Variants in RNFT2 observed in about 807,000 individuals in gnomAD.
RNFT2 encodes the protein E3 ubiquitin-protein ligase RNFT2.
Under a neutral mutation model 53.0 loss-of-function variants are expected in RNFT2, and 36 were observed. That is an observed-to-expected ratio of 0.68 (90% CI 0.52 to 0.90). The LOEUF (loss-of-function observed/expected upper bound fraction) is 0.90. Among genes scored for constraint, RNFT2 ranks in the 40% least tolerant of loss-of-function variants. RNFT2 has a pLI of 0.00. For synonymous variants in RNFT2, 260 were observed against 253.2 expected, an observed-to-expected ratio of 1.03 and a Z score of -0.26; for missense variants, 514 against 585.6, an observed-to-expected ratio of 0.88 and a Z score of 1.26.
intron 7 of RNFT2, among the ~76,000 whole-genome samples, chr12:116,793,694 G>A (rs1874357046): frequency 6.6e-6 from 1 of 152,026 alleles, no homozygotes; most frequent in African/African-American, 2.4e-5. Flanking sequence ...GTTTTTTCCT[G>A]GATGTTTCCA....
At chr12:116,839,818 G>A (rs1877164007) in intron 10 of RNFT2, among the ~76,000 whole-genome samples, 1 of 152,102 alleles carries the variant, frequency 6.6e-6, no homozygotes, top group South Asian at 2.1e-4. Flanking sequence ...CTAGGCTAAA[G>A]CCACACCTTG....
intron 6 of RNFT2, among the ~76,000 whole-genome samples, chr12:116,769,767 C>T (rs1364660720): frequency 6.6e-6 from 1 of 152,108 alleles, no homozygotes; most frequent in East Asian, 1.9e-4. Context: ...CATGGTGGCT[C>T]ATGCCTGTAA....
intron 10 of RNFT2, among the ~76,000 whole-genome samples, chr12:116,845,397 C>G (rs1156442273): frequency 2.0e-5 from 3 of 151,756 alleles, no homozygotes; most frequent in Non-Finnish European, 2.9e-5. Flanking sequence ...AGAGAAGACG[C>G]GATCAGTACT....
At chr12:116,794,768 T>C (rs528870144) in intron 7 of RNFT2, among the ~76,000 whole-genome samples, 1 of 151,662 alleles carries the variant, frequency 6.6e-6, no homozygotes, top group South Asian at 2.1e-4. Context: ...TCTAATATAG[T>C]AGCTAAAAAA....
chr12:116,745,289 C>A (rs188443884), intron 3 of RNFT2, among the ~76,000 whole-genome samples: 3 of 151,580 alleles, frequency 2.0e-5, no homozygotes, highest in African/African-American at 7.3e-5. Context: ...ATTCTCCTGC[C>A]GCAGCCTCCT....
At chr12:116,791,746 A>G (rs559779805) in intron 7 of RNFT2, among the ~76,000 whole-genome samples, 1 of 152,354 alleles carries the variant, frequency 6.6e-6, no homozygotes, top group South Asian at 2.1e-4. Flanking sequence ...GAGCTTTCGC[A>G]GACAAGTATC....
chr12:116,817,264 C>T (rs1359906866), intron 7 of RNFT2, among the ~76,000 whole-genome samples: 4 of 152,198 alleles, frequency 2.6e-5, no homozygotes, highest in Non-Finnish European at 5.9e-5. Context: ...TTGCCCGCCT[C>T]AGCCTCCCAA....
In RNFT2 at chr12:116,779,337, G is replaced by C. The variant is rs752115358; in HGVS notation, c.871G>C (p.Val291Leu). The change falls in exon 7 of 11, where the codon GTC (valine) becomes CTC (leucine). Residue 291 changes from valine (V) to leucine (L), a missense_variant. By Grantham distance (32) the Val-to-Leu change is conservative. Coordinates refer to ENST00000257575, the MANE Select transcript of RNFT2 (RefSeq NM_001382266.1). ...GGCCCTGCCCAAGATCATCCTGGCT[G>C]TCAAGTCCAAGGTAGGCACTGGCTG... ...IVALPKIILAVKSKGKFYLVI... is the reference protein window; with the variant it reads ...IVALPKIILALKSKGKFYLVI... The C allele has an allele frequency of 1.2e-6, 2 of 1,613,800 alleles. No homozygotes were observed. Among genetic ancestry groups the C allele is most frequent in the Non-Finnish European group, 1.7e-6 (2 of 1,179,876 alleles).
chr12:116,820,215 C>T (rs560435136), intron 7 of RNFT2, among the ~76,000 whole-genome samples: 25 of 152,262 alleles, frequency 1.6e-4, no homozygotes, highest in Non-Finnish European at 2.1e-4. Context: ...CTCAGCCTCC[C>T]GAGTAGCTGG....
At chr12:116,839,888 T>C (rs1358714586) in intron 10 of RNFT2, among the ~76,000 whole-genome samples, 1 of 152,136 alleles carries the variant, frequency 6.6e-6, no homozygotes, top group Non-Finnish European at 1.5e-5. Context: ...GAGCTAGGGC[T>C]CAGGAAGCAG....
intron 4 of RNFT2, among the ~76,000 whole-genome samples, chr12:116,750,806 TATA>T (rs1440718111): frequency 1.5e-3 from 35 of 23,872 alleles, no homozygotes; most frequent in African/African-American, 5.5e-3. Flanking sequence ...TGTATATATA[TATA>T]ATATATATAT....
At chr12:116,818,401 C>T (rs1875808934) in intron 7 of RNFT2, among the ~76,000 whole-genome samples, 1 of 152,094 alleles carries the variant, frequency 6.6e-6, no homozygotes, top group Admixed American at 6.5e-5. Context: ...TAGTAACAGG[C>T]CCTGGCTCAG....
chr12:116,763,911 A>G (rs1489780057), intron 5 of RNFT2, among the ~76,000 whole-genome samples: 4 of 152,210 alleles, frequency 2.6e-5, no homozygotes, highest in Non-Finnish European at 5.9e-5. Flanking sequence ...ACTCATGTTT[A>G]TAGCAGCACA....
chr12:116,814,614 T>C (rs1457084333), intron 7 of RNFT2, among the ~76,000 whole-genome samples: 1 of 151,944 alleles, frequency 6.6e-6, no homozygotes, highest in Non-Finnish European at 1.5e-5. Flanking sequence ...GGCAACTTCA[T>C]GGGCAAGCAC....
Position 116,740,468 on chromosome 12 carries a change from C to A in RNFT2, c.-30C>A. 1 of 1,566,120 alleles carries A rather than the reference C, an allele frequency of 6.4e-7. No homozygotes were observed. Among genetic ancestry groups the A allele is most frequent in the Non-Finnish European group, 8.7e-7 (1 of 1,153,858 alleles). On this transcript the variant is annotated 5_prime_UTR_variant, in exon 2 of 11. Coordinates refer to ENST00000257575, the MANE Select transcript of RNFT2 (RefSeq NM_001382266.1). The stretch of plus-strand genomic sequence containing the variant: ...CTGAGGATTCCCGAATGCCTACCTC[C>A]AGTGTCGTCAACATGGAGTTCTGAA...
Position 116,765,907 on chromosome 12 carries a change from T to C in RNFT2, c.628-907T>C, listed in dbSNP as rs1279800252. ...AATTTCCAGCCTCTAGATCTGAATC[T>C]TCTGCTGGGTTGTAAACTCTTAATA... On this transcript the variant is annotated intron_variant, in intron 5 of 10. Coordinates refer to ENST00000257575, the MANE Select transcript of RNFT2 (RefSeq NM_001382266.1). Among the ~76,000 whole-genome samples, 3 of 152,206 alleles carry C rather than the reference T, an allele frequency of 2.0e-5. No homozygotes were observed. In the South Asian group the frequency reaches 6.2e-4, roughly 31 times the overall value.
At chr12:116,739,811 C>A (rs1228069353) in intron 1 of RNFT2, among the ~76,000 whole-genome samples, 1 of 152,244 alleles carries the variant, frequency 6.6e-6, no homozygotes, top group Non-Finnish European at 1.5e-5. Context: ...GGGTTTGATT[C>A]TGATTGCACT....
At chr12:116,768,169 C>T (rs1279220942) in intron 6 of RNFT2, among the ~76,000 whole-genome samples, 1 of 150,976 alleles carries the variant, frequency 6.6e-6, no homozygotes, top group East Asian at 1.9e-4. Flanking sequence ...GGTGCAATCC[C>T]GGCTCACTGC....
intron 7 of RNFT2, among the ~76,000 whole-genome samples, chr12:116,788,071 G>A (rs1874020068): frequency 6.6e-6 from 1 of 152,132 alleles, no homozygotes; most frequent in Non-Finnish European, 1.5e-5. Context: ...GGGATTACAG[G>A]CATGCGCCAC....
Sources: gnomAD v4.1 joint callset for allele counts (sites outside exome capture counted in the v4.1 genomes callset) on GRCh38, gnomAD v4.1.1 for gene constraint, MANE v1.5 for transcripts, NCBI Gene and HGNC (gene_info 2026-07-23, HGNC 2026-07-21) for gene names.